ARFGEF1: variants seen among roughly 807,000 people sequenced by gnomAD.
ARFGEF1 encodes ARF guanine nucleotide exchange factor 1.
A neutral mutation model predicts 231.0 loss-of-function variants in ARFGEF1; 42 were observed. The observed-to-expected ratio is 0.18, with a 90% CI of 0.14 to 0.24. ARFGEF1 has a LOEUF of 0.24. ARFGEF1 is among the 10% of genes least tolerant of loss of function. The pLI, the probability that ARFGEF1 is intolerant of heterozygous loss-of-function variation, is 1.00. For synonymous variants in ARFGEF1, 710 were observed against 732.3 expected, an observed-to-expected ratio of 0.97 and a Z score of 0.49; for missense variants, 1,345 against 2,192.0, an observed-to-expected ratio of 0.61 and a Z score of 7.72.
Position 67,198,948 on chromosome 8 carries a change from T to G in ARFGEF1, c.5536A>C (p.Ile1846Leu). 1 of 1,613,496 alleles carries G rather than the reference T, an allele frequency of 6.2e-7. No homozygotes were observed. Among genetic ancestry groups the G allele is most frequent in the Admixed American group, 1.7e-5 (1 of 59,878 alleles). ...TTAAGTTCCCATCATTGCTTGTTTA[T>G]TCCAAGTTCCTGTTCAGGTGGTTGT... ...ISQPPEQELG[I>L]NKQ The change falls in exon 39 of 39, where the codon ATA (isoleucine) becomes CTA (leucine). Residue 1846 changes from isoleucine to leucine, a missense_variant. Ile to Leu is a conservative substitution (Grantham distance 5). Coordinates refer to ENST00000262215, the MANE Select transcript of ARFGEF1 (RefSeq NM_006421.5).
In ARFGEF1 at chr8:67,343,309, G is replaced by T. The variant is rs768699304; in HGVS notation, c.-22C>A. 3 of 1,610,844 alleles carry T rather than the reference G, an allele frequency of 1.9e-6. No homozygotes were observed. Among genetic ancestry groups the T allele is most frequent in the Admixed American group, 1.7e-5 (1 of 59,880 alleles). ...ACATGGACGCAGAGAAGGAGGCGGC[G>T]GCTCGTCCGACCCGCGGCTCCCAGC... is the stretch of plus-strand genomic sequence containing the variant. On this transcript the variant is annotated 5_prime_UTR_variant, in exon 1 of 39. Transcript: ENST00000262215.
intron 27 of ARFGEF1, 47 bp downstream of exon 27, chr8:67,227,090 G>GT: frequency 1.4e-6 from 2 of 1,436,062 alleles, no homozygotes; most frequent in Non-Finnish European, 1.9e-6. Context: ...CGTTAAGGTT[G>GT]CTTTTTTTTT....
chr8:67,301,083 A>G, intron 3 of ARFGEF1, 141 bp downstream of exon 3: 1 of 747,690 alleles, frequency 1.3e-6, no homozygotes. Flanking sequence ...TCTGTCTTAA[A>G]TATAAAAAAT....
rs147819830 is a variant in ARFGEF1, at chr8:67,206,465, C to A, written c.4820-1646G>T. ...GCTGAACACATTACTTCAAAAGTAA[C>A]CAAACTGCAAAGTAACAAAAGTGCC... On this transcript the variant is annotated intron_variant, in intron 34 of 38. Transcript: ENST00000262215. Among the ~76,000 whole-genome samples the A allele has an allele frequency of 1.4e-4, 19 of 132,990 alleles. No homozygotes were observed. The East Asian group carries it at 4.1e-3, about 29-fold the overall frequency. 87.2% of individuals were successfully genotyped at this position (132,990 alleles called of 152,430 possible).
At chr8:67,190,585 G>A (rs376628823) in intron 5 of ARFGEF1, 23 of 1,190,788 alleles carry the variant, frequency 1.9e-5, no homozygotes, top group Non-Finnish European at 2.9e-5. Context: ...AAAGGCTCTT[G>A]GTTTAGCTCT....
intron 29 of ARFGEF1, among the ~76,000 whole-genome samples, chr8:67,222,208 C>CATATATATATATATAT (rs1563846440): frequency 1.4e-4 from 19 of 132,628 alleles, no homozygotes; most frequent in African/African-American, 5.1e-4. Flanking sequence ...TATATATACA[C>CATATATATATATATAT]ACACATATAT....
chr8:67,202,974 A>G, intron 36 of ARFGEF1, 109 bp downstream of exon 36: 1 of 1,131,978 alleles, frequency 8.8e-7, no homozygotes, highest in East Asian at 2.5e-5. Flanking sequence ...GAGTACATAT[A>G]GTGACATGCA....
intron 2 of ARFGEF1, 49 bp downstream of exon 2, chr8:67,302,387 C>A: frequency 6.7e-7 from 1 of 1,485,094 alleles, no homozygotes. Context: ...TTGACCAAGA[C>A]TGACAAGTTT....
intron 7 of ARFGEF1, among the ~76,000 whole-genome samples, chr8:67,282,861 G>T (rs944821246): frequency 7.0e-6 from 1 of 142,194 alleles, no homozygotes; most frequent in African/African-American, 2.6e-5. Context: ...AAAAAAAAAA[G>T]AAAGAAAGAA....
At chr8:67,287,181 G>A (rs568831611) in intron 7 of ARFGEF1, among the ~76,000 whole-genome samples, 6 of 152,174 alleles carry the variant, frequency 3.9e-5, no homozygotes, top group South Asian at 2.1e-4. Context: ...GTGACTCACT[G>A]TGTCTAAACT....
chr8:67,206,226 A>G (rs1292943659), intron 34 of ARFGEF1, among the ~76,000 whole-genome samples: 2 of 152,034 alleles, frequency 1.3e-5, no homozygotes, highest in Non-Finnish European at 2.9e-5. Context: ...GTTGGCCCAC[A>G]TGGTGAAACC....
intron 3 of ARFGEF1, 140 bp downstream of exon 3, chr8:67,301,084 T>C (rs1260615824): frequency 2.6e-6 from 2 of 756,256 alleles, no homozygotes; most frequent in East Asian, 5.7e-5. Context: ...CTGTCTTAAA[T>C]ATAAAAAATC....
At chr8:67,195,887 A>AAGAT (rs1277312076), downstream of ARFGEF1, 2 of 284,520 alleles carry the variant, frequency 7.0e-6, no homozygotes, top group East Asian at 1.5e-4. Context: ...GCTTGTCATT[A>AAGAT]AGATAAGGTG....
chr8:67,326,592 C>T (rs77433446), intron 1 of ARFGEF1, among the ~76,000 whole-genome samples: 2,864 of 152,222 alleles, frequency 0.019, 50 homozygotes, highest in Admixed American at 0.047. Context: ...TAGGTTCTCT[C>T]AAAAATACTT....
chr8:67,199,903 T>C (rs1348240446), intron 38 of ARFGEF1: 1 of 231,062 alleles, frequency 4.3e-6, no homozygotes, highest in Admixed American at 5.0e-5. Context: ...GTGTATTTTA[T>C]CTTTATTTCT....
chr8:67,302,905 T>TAAAAAAAAAAAAAAAAAAAAA (rs1563902346), intron 1 of ARFGEF1, among the ~76,000 whole-genome samples: 4 of 100,252 alleles, frequency 4.0e-5, no homozygotes, highest in African/African-American at 1.5e-4. Context: ...ACCCCATCTC[T>TAAAAAAAAAAAAAAAAAAAAA]TAAAAAAAAA....
chr8:67,202,827 T>C (rs534042151), intron 36 of ARFGEF1, among the ~76,000 whole-genome samples: 52 of 152,230 alleles, frequency 3.4e-4, no homozygotes, highest in Middle Eastern at 6.8e-3. Flanking sequence ...AAGGTCCAGG[T>C]TGGGTAAACA....
chr8:67,324,800 A>G (rs1384378201), intron 1 of ARFGEF1, among the ~76,000 whole-genome samples: 1 of 152,248 alleles, frequency 6.6e-6, no homozygotes, highest in Non-Finnish European at 1.5e-5. Context: ...AATAGTGAAG[A>G]CTAAAAAGTA....
intron 8 of ARFGEF1, 119 bp from the exon 9 acceptor site, chr8:67,276,228 G>A (rs1805307330): frequency 8.9e-7 from 1 of 1,128,708 alleles, no homozygotes. Context: ...ACTGTTGGAA[G>A]GGGAACCAGA....
Sources: gnomAD v4.1 joint callset for allele counts (sites outside exome capture counted in the v4.1 genomes callset) on GRCh38, gnomAD v4.1.1 for gene constraint, MANE v1.5 for transcripts, NCBI Gene and HGNC (gene_info 2026-07-23, HGNC 2026-07-21) for gene names.